The following RFTN1 variants were observed in gnomAD, a reference collection of about 807,000 sequenced individuals.
RFTN1 encodes raftlin, lipid raft linker 1.
Under a neutral mutation model 46.5 loss-of-function variants are expected in RFTN1, and 26 were observed. The observed-to-expected ratio is 0.56, with a 90% confidence interval of 0.41 to 0.78. The LOEUF (loss-of-function observed/expected upper bound fraction) is 0.78, where lower values mean the gene tolerates loss of function less well. RFTN1 is among the 30% of genes least tolerant of loss of function. The pLI, the probability that RFTN1 is intolerant of heterozygous loss-of-function variation, is 0.00. For synonymous variants in RFTN1, 261 were observed against 284.2 expected (o/e 0.92, Z 0.82); for missense variants, 693 against 718.7 (o/e 0.96, Z 0.41).
chr3:16,357,030 G>A (rs1259742687), intron 7 of RFTN1, among the ~76,000 whole-genome samples: 14 of 151,134 alleles, frequency 9.3e-5, no homozygotes, highest in East Asian at 1.9e-4. Context: ...CAGGAGAATC[G>A]CTTGAACCCA....
chr3:16,390,970 C>T (rs690403), intron 4 of RFTN1, among the ~76,000 whole-genome samples: 142,724 of 152,266 alleles, frequency 0.94, 67,045 homozygotes, highest in East Asian at 1. Context: ...CCCTGTACCC[C>T]CCATGACAAC....
At chr3:16,388,555 C>T (rs1187904688) in intron 4 of RFTN1, among the ~76,000 whole-genome samples, 2 of 152,174 alleles carry the variant, frequency 1.3e-5, no homozygotes, top group African/African-American at 4.8e-5. Context: ...AAACTGAGGC[C>T]TAGAGACATT....
Position 16,344,203 on chromosome 3 carries a change from TATTAC to T in RFTN1, c.1146+13724_1146+13728del, listed in dbSNP as rs2071490741. Among the ~76,000 whole-genome samples the T allele has an allele frequency of 6.6e-6, 1 of 152,246 alleles. No individual in the cohort carries two copies. The highest frequency in any genetic ancestry group is 2.4e-5 in the African/African-American group (1 of 41,466). ...ATTTGTTGATACTTAAATGTATTCC[TATTAC>T]ATTTTATTGGGCTGGTTTTTGTCCA... On this transcript the variant is annotated intron_variant, in intron 7 of 9. Transcript: ENST00000334133. This position sits in a 1 kb window ranked among gnomAD's most constrained non-coding sequence, Gnocchi z 4.4.
chr3:16,467,657 C>A (rs2945054), intron 2 of RFTN1, among the ~76,000 whole-genome samples: 3 of 152,226 alleles, frequency 2.0e-5, no homozygotes, highest in South Asian at 2.1e-4. Context: ...AGGTGATGAC[C>A]GTGCGCCATG....
At chr3:16,414,601 C>T (rs1275908422) in intron 3 of RFTN1, among the ~76,000 whole-genome samples, 5 of 126,398 alleles carry the variant, frequency 4.0e-5, no homozygotes, top group Non-Finnish European at 6.9e-5. Context: ...GAGACTTCAT[C>T]TCAAAAAAAA....
chr3:16,491,453 C>T (rs2076537292), intron 2 of RFTN1, among the ~76,000 whole-genome samples: 1 of 152,148 alleles, frequency 6.6e-6, no homozygotes. Context: ...AGCAGGGAGG[C>T]CACGTGGGAT....
intron 7 of RFTN1, among the ~76,000 whole-genome samples, chr3:16,347,391 AT>A (rs1485867863): frequency 1.3e-5 from 2 of 152,238 alleles, no homozygotes; most frequent in African/African-American, 4.8e-5. Flanking sequence ...CAAAATCAGT[AT>A]CACTGGGTCA....
rs1186587402 is a variant in RFTN1, at chr3:16,433,342, G to A, written c.332+509C>T. On this transcript the variant is annotated intron_variant, in intron 3 of 9. Transcript: ENST00000334133. This position sits in a 1 kb window ranked among gnomAD's most constrained non-coding sequence, Gnocchi z 4.4. ...CTAAATCAAGACCAAACCAATTATA[G>A]CATTTTATTTAGGTGGTGTTTATTT... is the stretch of plus-strand genomic sequence containing the variant. Among the ~76,000 whole-genome samples, 3 of 151,986 alleles carry A rather than the reference G, an allele frequency of 2.0e-5. No individual in the cohort carries two copies.
rs547321220 is a variant in RFTN1, at chr3:16,474,822, G to A, written c.145+18903C>T. ...GACTCTTTCGGGACAAAGAATACAA[G>A]CTGCATCAGTTCTATTTCTTCCCCA... On this transcript the variant is annotated intron_variant, in intron 2 of 9. Transcript: ENST00000334133. This position sits in a 1 kb window ranked among gnomAD's most constrained non-coding sequence, Gnocchi z 5.5. Among the ~76,000 whole-genome samples, 3 of 152,350 alleles carry A rather than the reference G, an allele frequency of 2.0e-5. No individual in the cohort carries two copies. Among genetic ancestry groups the A allele is most frequent in the East Asian group, 1.9e-4 (1 of 5,188 alleles).
chr3:16,489,417 C>CA lies in RFTN1; in HGVS notation c.145+4307dup, dbSNP rs60976608. Among the ~76,000 whole-genome samples, 2 of 150,124 alleles carry CA rather than the reference C, an allele frequency of 1.3e-5. No homozygotes were observed. The highest frequency in any genetic ancestry group is 3.0e-5 in the Non-Finnish European group (2 of 67,502). ...TGGGCAACAGAGTGAGACTTCGCTTCAAAAAAAAATCAGTGATGGAGAGGA... is the reference window on the plus strand; with the variant it reads ...TGGGCAACAGAGTGAGACTTCGCTTCAAAAAAAAAATCAGTGATGGAGAGGA... On this transcript the variant is annotated intron_variant, in intron 2 of 9. Transcript: ENST00000334133. The surrounding 1 kb of genome is among the most constrained non-coding windows in gnomAD (Gnocchi z 4.0).
At chr3:16,496,194 T>G (rs930549035) in intron 1 of RFTN1, among the ~76,000 whole-genome samples, 2 of 152,246 alleles carry the variant, frequency 1.3e-5, no homozygotes, top group African/African-American at 4.8e-5. Flanking sequence ...GTAGTTTGCC[T>G]ATTTCTGTGG....
rs182503430 is a variant in RFTN1 at position 16,425,853 on chromosome 3, G to C, written c.332+7998C>G. On this transcript the variant is annotated intron_variant, in intron 3 of 9. Coordinates refer to ENST00000334133, the MANE Select transcript of RFTN1 (RefSeq NM_015150.2). The surrounding 1 kb of genome is among the most constrained non-coding windows in gnomAD (Gnocchi z 4.3). ...TTGGTGATGCTGGACAGCTCCTCAGGGGGTACGGTGGCAGCCCGGAGAGCT... is the reference window on the plus strand; with the variant it reads ...TTGGTGATGCTGGACAGCTCCTCAGCGGGTACGGTGGCAGCCCGGAGAGCT... 1.2e-4 allele frequency among the ~76,000 whole-genome samples: 18 copies of C among 152,224 alleles called. No individual in the cohort carries two copies. Among genetic ancestry groups the C allele is most frequent in the South Asian group, 2.1e-4 (1 of 4,806 alleles).
chr3:16,444,452 T>C (rs2075691605), intron 2 of RFTN1, among the ~76,000 whole-genome samples: 1 of 152,200 alleles, frequency 6.6e-6, no homozygotes. Flanking sequence ...CCCAAAGATG[T>C]GCATGTTAGG....
At chr3:16,453,469 TG>T in intron 2 of RFTN1, among the ~76,000 whole-genome samples, 1 of 152,260 alleles carries the variant, frequency 6.6e-6, no homozygotes, top group Middle Eastern at 3.4e-3. Flanking sequence ...GACACCTCCT[TG>T]CTTCTACACA....
intron 6 of RFTN1, among the ~76,000 whole-genome samples, chr3:16,369,236 CTG>C (rs2073385757): frequency 6.6e-6 from 1 of 152,370 alleles, no homozygotes; most frequent in South Asian, 2.1e-4. Flanking sequence ...GTTCGTGACT[CTG>C]TTAATTCTTG....
Position 16,345,786 on chromosome 3 carries a change from C to G in RFTN1, c.1146+12146G>C, listed in dbSNP as rs1426624385. ...CATGAGCCAAAACCTTATAATAAAT[C>G]TCTGTGTGTGTGTGTGTGTGTGTGT... On this transcript the variant is annotated intron_variant, in intron 7 of 9. Transcript: ENST00000334133. The surrounding 1 kb of genome is among the most constrained non-coding windows in gnomAD (Gnocchi z 5.2). Among the ~76,000 whole-genome samples the G allele has an allele frequency of 3.7e-5, 3 of 81,644 alleles. No homozygotes were observed. The East Asian group carries it at 1.1e-3, about 31-fold the overall frequency. 53.6% of individuals were successfully genotyped at this position (81,644 alleles called of 152,430 possible). A position where few individuals can be genotyped will look rare whatever the true frequency, so the allele number is the denominator to read the frequency against.
At chr3:16,508,317 A>G (rs538080365) in intron 1 of RFTN1, among the ~76,000 whole-genome samples, 1 of 152,226 alleles carries the variant, frequency 6.6e-6, no homozygotes, top group East Asian at 1.9e-4. Context: ...ACTCTAAACG[A>G]AGCTTTCAAG....
At position 16,404,383 on chromosome 3, in the gene RFTN1, AT is replaced by A. The variant is rs1420802489; in HGVS notation, c.441+4991del. On this transcript the variant is annotated intron_variant, in intron 4 of 9. Transcript: ENST00000334133. ...ATACACAATATATAATATATATAAT[AT>A]ATAATATATATACAATATATAATAT... Among the ~76,000 whole-genome samples, 152 of 16,130 alleles carry A rather than the reference AT, an allele frequency of 9.4e-3. 30 individuals carry two copies. In the African/African-American group the frequency reaches 0.11, roughly 11 times the overall value. The allele number at this position is 16,130 out of a possible 152,430, so 10.6% of individuals were successfully genotyped here. A position where few individuals can be genotyped will look rare whatever the true frequency, so the allele number is the denominator to read the frequency against.
rs575843586 is a variant in RFTN1, at chr3:16,370,376, A to G, written c.827-97T>C. The G allele has an allele frequency of 2.7e-5, 29 of 1,085,572 alleles. No homozygotes were observed. The highest frequency in any genetic ancestry group is 2.1e-4 in the Admixed American group (12 of 57,244). The allele number at this position is 1,085,572 out of a possible 1,614,324, so 67.2% of individuals were successfully genotyped here. ...AGTGGAATCTCTCAGGAGCCTGAATAAATGATATGATGAATGCTGAAATCT... is the reference window on the plus strand; with the variant it reads ...AGTGGAATCTCTCAGGAGCCTGAATGAATGATATGATGAATGCTGAAATCT... On this transcript the variant is annotated intron_variant, in intron 5 of 9. Coordinates refer to ENST00000334133, the MANE Select transcript of RFTN1 (RefSeq NM_015150.2). This position sits in a 1 kb window ranked among gnomAD's most constrained non-coding sequence, Gnocchi z 5.5.
Sources: allele counts gnomAD v4.1 joint callset (sites outside exome capture counted in the v4.1 genomes callset), GRCh38; gene constraint gnomAD v4.1.1; non-coding constraint Gnocchi (gnomAD v3.1); transcripts MANE v1.5; gene names NCBI Gene and HGNC (gene_info 2026-07-23, HGNC 2026-07-21).